Variants in MKRN2OS observed in about 807,000 individuals in gnomAD.
The protein encoded by MKRN2OS is MKRN2 opposite strand.
MKRN2OS carries 17 observed loss-of-function variants against 18.2 expected under a neutral mutation model. The observed-to-expected ratio is 0.93, with a 90% confidence interval of 0.64 to 1.40. The LOEUF (loss-of-function observed/expected upper bound fraction) is 1.40, where lower values mean the gene tolerates loss of function less well. Among genes scored for constraint, MKRN2OS ranks in the 40% most tolerant of loss-of-function variants. The probability of loss-of-function intolerance (pLI) is 0.00; values close to 1 mark genes in which losing one functional copy is unlikely to be tolerated. For missense variants in MKRN2OS, 337 were observed against 283.0 expected (o/e 1.19, Z -1.37); for synonymous variants, 121 against 108.5 (o/e 1.12, Z -0.72).
intron 1 of MKRN2OS, among the ~76,000 whole-genome samples, chr3:12,555,311 CAAA>C (rs35617395): frequency 1.0e-5 from 1 of 98,356 alleles, no homozygotes. Context: ...GACTCCGTCT[CAAA>C]AAAAAAAAAA....
rs192303041 is a variant in MKRN2OS at position 12,560,421 on chromosome 3, G to A, written n.264+336C>T. 1.3e-3 allele frequency among the ~76,000 whole-genome samples: 194 copies of A among 148,292 alleles called. 1 individual carries two copies. The highest frequency in any genetic ancestry group is 4.4e-3 in the African/African-American group (176 of 39,666). On this transcript the variant is annotated intron_variant and non_coding_transcript_variant, in intron 1 of 1. Transcript: ENST00000447550. ...TGCTTCCTTCCCCCTCAGTGGATCT[G>A]CTGTCACAAGGAGTATAGCCGTAAA...
At position 12,557,119 on chromosome 3, in the gene MKRN2OS, C is replaced by T. The variant is rs149385056; in HGVS notation, n.265-2985G>A. On this transcript the variant is annotated intron_variant and non_coding_transcript_variant, in intron 1 of 1. Transcript: ENST00000447550. ...AGGCGGCAGCGGCTGCGAGAGGCGG[C>T]GGCACGACGACGGTCCCTCAGCCCA... 6.0e-3 allele frequency: 8,983 copies of T among 1,491,738 alleles called. 449 individuals are homozygous for T. The African/African-American group carries it at 0.11, about 18-fold the overall frequency. The allele number at this position is 1,491,738 out of a possible 1,614,324, so 92.4% of individuals were successfully genotyped here.
chr3:12,544,112 C>A (rs2125290614), intron 1 of MKRN2OS, among the ~76,000 whole-genome samples: 1 of 152,108 alleles, frequency 6.6e-6, no homozygotes, highest in South Asian at 2.1e-4. Context: ...TACTTTGGTT[C>A]ATTTAATCCT....
intron 1 of MKRN2OS, among the ~76,000 whole-genome samples, chr3:12,543,567 A>T (rs1198191185): frequency 6.6e-6 from 1 of 151,622 alleles, no homozygotes; most frequent in African/African-American, 2.4e-5. Flanking sequence ...ACCCTGGGGG[A>T]TAGAACGAGA....
intron 1 of MKRN2OS, among the ~76,000 whole-genome samples, chr3:12,558,849 AC>A (rs761459687): frequency 2.6e-5 from 4 of 152,284 alleles, no homozygotes; most frequent in Non-Finnish European, 5.9e-5. Flanking sequence ...TTGGGGACTT[AC>A]AATGTGCTGC....
chr3:12,542,061 AAC>A (rs2057822329), intron 2 of MKRN2OS, 39 bp from the exon 3 acceptor site: 1 of 1,513,094 alleles, frequency 6.6e-7, no homozygotes, highest in Non-Finnish European at 8.8e-7. Context: ...GCCCCAAGGA[AAC>A]ACACACCTCT....
In MKRN2OS at chr3:12,545,339, C is replaced by G; in HGVS notation, c.126G>C (p.Glu42Asp). 1 of 1,536,124 alleles carries G rather than the reference C, an allele frequency of 6.5e-7. No individual in the cohort carries two copies. The highest frequency in any genetic ancestry group is 8.7e-7 in the Non-Finnish European group (1 of 1,146,894). ...CQQDLGSRKLEDAPVSIANPF... is the reference protein window; with the variant it reads ...CQQDLGSRKLDDAPVSIANPF... ...GATTAGCGATGCTAACAGGTGCGTCCTCCAGCTTCCTCGAGCCCAGGTCCT... is the reference window on the plus strand; with the variant it reads ...GATTAGCGATGCTAACAGGTGCGTCGTCCAGCTTCCTCGAGCCCAGGTCCT... The change falls in exon 1 of 4, where the codon GAG becomes GAC. Residue 42 changes from glutamate (E) to aspartate (D), a missense_variant. By Grantham distance (45) the Glu-to-Asp change is conservative. Transcript: ENST00000564146.
At position 12,540,325 on chromosome 3, in the gene MKRN2OS, CT is replaced by C. The variant is rs1410445680; in HGVS notation, c.539del (p.Lys180SerfsTer76). Reference sequence around the variant, plus strand: ...CCAGCCTTGTCCGCGGGACCACGTACTTCTCCGTAAATTCACCCTTGTCCAG... The same window carrying C: ...CCAGCCTTGTCCGCGGGACCACGTACTCTCCGTAAATTCACCCTTGTCCAG... ...QQLDKGEFTE[K>X]YVVPRTRLAS... On this transcript the variant is annotated frameshift_variant, in exon 4 of 4. Transcript: ENST00000564146. LOFTEE classifies it low-confidence loss of function (END_TRUNC). 1.3e-5 allele frequency: 20 copies of C among 1,536,148 alleles called. No individual in the cohort carries two copies. The Admixed American group carries it at 2.2e-4, about 17-fold the overall frequency.
chr3:12,546,575 A>ATTTTTTTTTTTTTTTTTTTTTT (rs1160434615), upstream of MKRN2OS, among the ~76,000 whole-genome samples: 2 of 97,130 alleles, frequency 2.1e-5, no homozygotes, highest in African/African-American at 9.3e-5. Context: ...GGTACATGGG[A>ATTTTTTTTTTTTTTTTTTTTTT]TTTTTTTTTT....
In MKRN2OS at chr3:12,554,713, A is replaced by G. The variant is rs1033069898; in HGVS notation, n.265-579T>C. On this transcript the variant is annotated intron_variant and non_coding_transcript_variant, in intron 1 of 1. Coordinates refer to the MKRN2OS transcript ENST00000447550. ...TATGTACTGATATGGAAAAATCTCC[A>G]CTGATTATGTACGCTGTGCAGAACA... is the stretch of plus-strand genomic sequence containing the variant. Among the ~76,000 whole-genome samples the G allele has an allele frequency of 4.1e-4, 63 of 152,076 alleles. 1 individual carries two copies. The highest frequency in any genetic ancestry group is 1.5e-3 in the African/African-American group (63 of 41,416).
chr3:12,550,192 G>T (rs1030584790), upstream of MKRN2OS, among the ~76,000 whole-genome samples: 1 of 152,172 alleles, frequency 6.6e-6, no homozygotes, highest in Non-Finnish European at 1.5e-5. Context: ...AAGCAACCAA[G>T]ATGTCCCTCA....
In MKRN2OS at chr3:12,541,854, G is replaced by A. The variant is rs892977095; in HGVS notation, c.431+6C>T. On this transcript the variant is annotated splice_donor_region_variant and intron_variant, in intron 3 of 3. Coordinates refer to ENST00000564146, the MANE Select transcript of MKRN2OS (RefSeq NM_001195279.2). ...CAGCGAGGGGGCAGCATTTGCAGTC[G>A]TGTACCTGTGAGGCAGCCAGGCCCC... is the stretch of plus-strand genomic sequence containing the variant. 8.5e-6 allele frequency: 13 copies of A among 1,534,700 alleles called. No homozygotes were observed. Among genetic ancestry groups the A allele is most frequent in the East Asian group, 4.9e-5 (2 of 40,916 alleles).
At chr3:12,556,900 G>A in intron 1 of MKRN2OS, 1 of 391,958 alleles carries the variant, frequency 2.6e-6, no homozygotes, top group East Asian at 3.9e-5. Flanking sequence ...CTCCGCCCCG[G>A]AGGCTTGGAA....
intron 3 of MKRN2OS, among the ~76,000 whole-genome samples, chr3:12,541,345 C>G (rs1262245828): frequency 6.6e-6 from 1 of 152,026 alleles, no homozygotes; most frequent in Non-Finnish European, 1.5e-5. Flanking sequence ...GCCCAAGCCT[C>G]CCAAGTAGGG....
intron 2 of MKRN2OS, among the ~76,000 whole-genome samples, chr3:12,542,582 T>C (rs1371626308): frequency 1.3e-5 from 2 of 152,056 alleles, no homozygotes; most frequent in African/African-American, 4.8e-5. Flanking sequence ...ATATCCAGGC[T>C]ACACATCCTG....
intron 3 of MKRN2OS, among the ~76,000 whole-genome samples, chr3:12,541,499 G>A (rs896427652): frequency 6.6e-6 from 1 of 152,144 alleles, no homozygotes. Flanking sequence ...GATTACAGGC[G>A]AGAGCCATTG....
chr3:12,560,095 G>A (rs372628165), intron 1 of MKRN2OS, among the ~76,000 whole-genome samples: 120 of 152,272 alleles, frequency 7.9e-4, no homozygotes, highest in African/African-American at 2.5e-3. Flanking sequence ...ATGCCTAACC[G>A]GCAGGGCTGT....
At chr3:12,546,575 A>ATTTTGTTTTTTT (rs2057885881), upstream of MKRN2OS, among the ~76,000 whole-genome samples, 1 of 97,130 alleles carries the variant, frequency 1.0e-5, no homozygotes, top group African/African-American at 4.7e-5. Flanking sequence ...GGTACATGGG[A>ATTTTGTTTTTTT]TTTTTTTTTT....
upstream of MKRN2OS, chr3:12,545,571 T>C: frequency 1.2e-6 from 1 of 834,024 alleles, no homozygotes; most frequent in Non-Finnish European, 1.8e-6. Context: ...AATGGTGATG[T>C]CATCCTGACT....
Sources: gnomAD v4.1 joint callset for allele counts (sites outside exome capture counted in the v4.1 genomes callset) on GRCh38, gnomAD v4.1.1 for gene constraint, MANE v1.5 for transcripts, NCBI Gene and HGNC (gene_info 2026-07-23, HGNC 2026-07-21) for gene names.